Variants in RAB21 observed in about 807,000 individuals in gnomAD.
RAB21 encodes the protein ras-related protein Rab-21.
RAB21 carries 13 observed loss-of-function variants against 33.1 expected under a neutral mutation model. That is an observed-to-expected ratio of 0.39 (90% CI 0.26 to 0.62). The LOEUF is 0.62. Ranked by LOEUF, RAB21 falls within the 20% of genes least tolerant of loss-of-function variation. The pLI, the probability that RAB21 is intolerant of heterozygous loss-of-function variation, is 0.48. For missense variants in RAB21, 234 were observed against 279.1 expected (o/e 0.84, Z 1.15); for synonymous variants, 91 against 103.7 (o/e 0.88, Z 0.74).
At chr12:71,755,670 A>G (rs1882774629) in intron 1 of RAB21, among the ~76,000 whole-genome samples, 1 of 152,166 alleles carries the variant, frequency 6.6e-6, no homozygotes, top group Non-Finnish European at 1.5e-5. Flanking sequence ...TTAGCTGCGT[A>G]TTTGATTTTG....
chr12:71,779,685 T>A, intron 4 of RAB21, among the ~76,000 whole-genome samples: 1 of 152,228 alleles, frequency 6.6e-6, no homozygotes, highest in Non-Finnish European at 1.5e-5. Context: ...GAAGATCTGC[T>A]TAACTTAGAG....
intron 1 of RAB21, among the ~76,000 whole-genome samples, chr12:71,766,148 G>A (rs555512637): frequency 6.6e-6 from 1 of 152,186 alleles, no homozygotes; most frequent in South Asian, 2.1e-4. Flanking sequence ...CTACTAAATT[G>A]AGTTATACCT....
Position 71,790,336 on chromosome 12 carries a change from A to G in RAB21, c.*4663A>G, listed in dbSNP as rs1018209137. ...CTGGCAACTGTATCATCTCTTCACT[A>G]TCACGTATTTTAAGAAAAAGCTAAG... On this transcript the variant is annotated 3_prime_UTR_variant, in exon 7 of 7. Transcript: ENST00000261263. The G allele has an allele frequency of 1.3e-5, 2 of 152,158 alleles. No individual in the cohort carries two copies. Among genetic ancestry groups the G allele is most frequent in the Admixed American group, 1.3e-4 (2 of 15,284 alleles). 9.4% of individuals were successfully genotyped at this position (152,158 alleles called of 1,614,324 possible).
intron 2 of RAB21, 109 bp from the exon 3 acceptor site, chr12:71,770,483 G>T (rs1234797381): frequency 1.3e-6 from 1 of 761,966 alleles, no homozygotes; most frequent in Non-Finnish European, 2.2e-6. Flanking sequence ...TTTTGTGGTT[G>T]TCTTTGACTT....
At chr12:71,763,166 G>A (rs1212528821) in intron 1 of RAB21, among the ~76,000 whole-genome samples, 1 of 148,822 alleles carries the variant, frequency 6.7e-6, no homozygotes, top group African/African-American at 2.5e-5. Context: ...CCAACGGCAG[G>A]CCCCCAATTA....
At position 71,790,193 on chromosome 12, in the gene RAB21, T is replaced by G. The variant is rs1883359919; in HGVS notation, c.*4520T>G. The G allele has an allele frequency of 6.6e-6, 1 of 152,190 alleles. No homozygotes were observed. Among genetic ancestry groups the G allele is most frequent in the African/African-American group, 2.4e-5 (1 of 41,460 alleles). The allele number at this position is 152,190 out of a possible 1,614,324, so 9.4% of individuals were successfully genotyped here. A position where few individuals can be genotyped will look rare whatever the true frequency, so the allele number is the denominator to read the frequency against. Reference sequence around the variant, plus strand: ...TTCTTAAAGCATCTTTCTTTAGAAGTCTGCACATATTTTCAAATGCATCAT... The same window carrying G: ...TTCTTAAAGCATCTTTCTTTAGAAGGCTGCACATATTTTCAAATGCATCAT... On this transcript the variant is annotated 3_prime_UTR_variant, in exon 7 of 7. Coordinates refer to ENST00000261263, the MANE Select transcript of RAB21 (RefSeq NM_014999.4).
intron 1 of RAB21, among the ~76,000 whole-genome samples, chr12:71,764,179 A>C (rs1202239094): frequency 6.6e-6 from 1 of 152,122 alleles, no homozygotes; most frequent in Non-Finnish European, 1.5e-5. Context: ...GGCATTTATA[A>C]ATCTCTTGGA....
At chr12:71,766,375 T>C (rs1882960788) in intron 1 of RAB21, among the ~76,000 whole-genome samples, 1 of 152,114 alleles carries the variant, frequency 6.6e-6, no homozygotes, top group African/African-American at 2.4e-5. Context: ...ACTGTGTCAC[T>C]TACTGTGTGA....
intron 2 of RAB21, among the ~76,000 whole-genome samples, chr12:71,770,252 A>G (rs1261947158): frequency 6.6e-6 from 1 of 152,094 alleles, no homozygotes; most frequent in Admixed American, 6.6e-5. Context: ...TGGGAACTTA[A>G]ACTTAGGGCA....
At position 71,769,776 on chromosome 12, in the gene RAB21, T is replaced by A. The variant is rs112721952; in HGVS notation, c.160-24T>A. On this transcript the variant is annotated intron_variant, in intron 1 of 6. Transcript: ENST00000261263. ...GAACCTTATTTTATAAGAAACATTG[T>A]TTAATGTTTATTTCTCTTTTTAGGC... The A allele has an allele frequency of 5.1e-6, 6 of 1,178,068 alleles. No homozygotes were observed. The African/African-American group carries it at 6.4e-5, about 13-fold the overall frequency. The allele number at this position is 1,178,068 out of a possible 1,614,324, so 73.0% of individuals were successfully genotyped here.
rs1883340578 is a variant in RAB21, at chr12:71,789,115, G to A, written c.*3442G>A. ...GTTTTTAGTAGTGAAAGATAAAATTGGAAAAATAGGGAAAGAGCATAGGGA... is the reference window on the plus strand; with the variant it reads ...GTTTTTAGTAGTGAAAGATAAAATTAGAAAAATAGGGAAAGAGCATAGGGA... On this transcript the variant is annotated 3_prime_UTR_variant, in exon 7 of 7. Coordinates refer to ENST00000261263, the MANE Select transcript of RAB21 (RefSeq NM_014999.4). The A allele has an allele frequency of 6.6e-6, 1 of 151,564 alleles. No homozygotes were observed. The highest frequency in any genetic ancestry group is 2.4e-5 in the African/African-American group (1 of 41,268). 9.4% of individuals were successfully genotyped at this position (151,564 alleles called of 1,614,324 possible). A position where few individuals can be genotyped will look rare whatever the true frequency, so the allele number is the denominator to read the frequency against.
chr12:71,784,864 A>G (rs1305850542), intron 6 of RAB21, among the ~76,000 whole-genome samples: 1 of 152,074 alleles, frequency 6.6e-6, no homozygotes, highest in East Asian at 1.9e-4. Context: ...GGCCAAGGCC[A>G]TAGGATCACT....
intron 4 of RAB21, 65 bp from the exon 5 acceptor site, chr12:71,781,966 A>G: frequency 1.6e-6 from 2 of 1,264,972 alleles, no homozygotes; most frequent in East Asian, 2.5e-5. Context: ...TATATTTAGA[A>G]TTGGCTTAAT....
rs1403142905 is a variant in RAB21, at chr12:71,796,964, CA to C, written c.*11292del. 1 of 152,078 alleles carries C rather than the reference CA, an allele frequency of 6.6e-6. No individual in the cohort carries two copies. The highest frequency in any genetic ancestry group is 1.5e-5 in the Non-Finnish European group (1 of 67,996). The allele number at this position is 152,078 out of a possible 1,614,324, so 9.4% of individuals were successfully genotyped here. ...TTTAGAAGTAAATTAGTTTTTATTT[CA>C]TTTGTGGGTGGTATTGAGAAAAGTG... is the stretch of plus-strand genomic sequence containing the variant. On this transcript the variant is annotated 3_prime_UTR_variant, in exon 7 of 7. Coordinates refer to ENST00000261263, the MANE Select transcript of RAB21 (RefSeq NM_014999.4).
chr12:71,759,881 C>T (rs1329183491), intron 1 of RAB21, among the ~76,000 whole-genome samples: 3 of 152,192 alleles, frequency 2.0e-5, no homozygotes, highest in South Asian at 2.1e-4. Context: ...ACAGGATATT[C>T]TAATGCCTGT....
In RAB21 at chr12:71,786,777, C is replaced by T. The variant is rs1060327; in HGVS notation, c.*1104C>T. ...TATTGCTGTTGTCACATATTTTTGC[C>T]TCTGTGAGTTCATCTGATGATTGAG... On this transcript the variant is annotated 3_prime_UTR_variant, in exon 7 of 7. Transcript: ENST00000261263. 6,508 of 152,244 alleles carry T rather than the reference C, an allele frequency of 0.043. 328 individuals are homozygous for T. The highest frequency in any genetic ancestry group is 0.13 in the East Asian group (674 of 5,174). The allele number at this position is 152,244 out of a possible 1,614,324, so 9.4% of individuals were successfully genotyped here.
chr12:71,755,128 G>T lies in RAB21; in HGVS notation c.-2G>T, dbSNP rs1179843087. ...GGGCTCGGGCGGCCGGGAAGCGACG[G>T]GATGGCTGCGGCCGGCGGCGGCGGC... On this transcript the variant is annotated 5_prime_UTR_variant, in exon 1 of 7. Transcript: ENST00000261263. 3 of 1,222,282 alleles carry T rather than the reference G, an allele frequency of 2.5e-6. No homozygotes were observed. The highest frequency in any genetic ancestry group is 2.0e-6 in the Non-Finnish European group (2 of 981,972). 75.7% of individuals were successfully genotyped at this position (1,222,282 alleles called of 1,614,324 possible).
rs1883219407 is a variant in RAB21, at chr12:71,782,636, A to G, written c.513A>G (p.Glu171=). The part of the protein sequence containing the change: ...TSAKQNKGIE[E]LFLDLCKRMI... ...CCAAACAGAACAAAGGAATTGAGGA[A>G]CTCTTTCTTGACCTTTGTAAAAGTA... The change falls in exon 6 of 7, where the codon GAA becomes GAG. Residue 171 remains glutamate, a synonymous_variant. Transcript: ENST00000261263. The G allele has an allele frequency of 6.3e-7, 1 of 1,598,082 alleles. No homozygotes were observed. Among genetic ancestry groups the G allele is most frequent in the Non-Finnish European group, 8.5e-7 (1 of 1,169,894 alleles).
In RAB21 at chr12:71,799,212, T is replaced by C. The variant is rs1883506041; in HGVS notation, c.*13539T>C. The C allele has an allele frequency of 6.6e-6, 1 of 152,248 alleles. No individual in the cohort carries two copies. Among genetic ancestry groups the C allele is most frequent in the Non-Finnish European group, 1.5e-5 (1 of 68,060 alleles). 9.4% of individuals were successfully genotyped at this position (152,248 alleles called of 1,614,324 possible). On this transcript the variant is annotated 3_prime_UTR_variant, in exon 7 of 7. Transcript: ENST00000261263. ...GCCTCTGGTTCCCAGCAGGGCTCCA[T>C]GGTGACCAGAGGTTGTAGTTCCCCC...
Sources: gnomAD v4.1 joint callset for allele counts (sites outside exome capture counted in the v4.1 genomes callset) on GRCh38, gnomAD v4.1.1 for gene constraint, MANE v1.5 for transcripts, NCBI Gene and HGNC (gene_info 2026-07-23, HGNC 2026-07-21) for gene names.